Variants in DDAH1 observed in about 807,000 individuals in gnomAD.
DDAH1 encodes the protein N(G),N(G)-dimethylarginine dimethylaminohydrolase 1.
DDAH1 carries 19 observed loss-of-function variants against 28.8 expected under a neutral mutation model. That is an observed-to-expected ratio of 0.66 (90% CI 0.46 to 0.97). The LOEUF (loss-of-function observed/expected upper bound fraction) is 0.97. Ranked by LOEUF, DDAH1 falls within the 50% of genes least tolerant of loss-of-function variation. The pLI, the probability that DDAH1 is intolerant of heterozygous loss-of-function variation, is 0.00. For missense variants in DDAH1, 326 were observed against 375.9 expected (o/e 0.87, Z 1.10); for synonymous variants, 153 against 154.4 (o/e 0.99, Z 0.07).
intron 1 of DDAH1, among the ~76,000 whole-genome samples, chr1:85,417,505 G>A (rs994289044): frequency 6.6e-6 from 1 of 152,138 alleles, no homozygotes; most frequent in African/African-American, 2.4e-5. Context: ...CACTCTTACA[G>A]CTCAGTTGAC....
chr1:85,444,558 A>T (rs946597787), intron 1 of DDAH1, among the ~76,000 whole-genome samples: 5 of 152,190 alleles, frequency 3.3e-5, no homozygotes, highest in Admixed American at 2.6e-4. Flanking sequence ...TCCTGACCTC[A>T]AGTCCTGTGT....
intron 2 of DDAH1, among the ~76,000 whole-genome samples, chr1:85,490,035 TG>T (rs1195098734): frequency 1.3e-5 from 2 of 151,978 alleles, no homozygotes; most frequent in East Asian, 3.9e-4. Flanking sequence ...AGGCTTGTGG[TG>T]GATAAGTGGA....
intron 2 of DDAH1, among the ~76,000 whole-genome samples, chr1:85,472,854 C>T (rs1399443862): frequency 2.6e-5 from 4 of 152,150 alleles, no homozygotes; most frequent in African/African-American, 9.7e-5. Flanking sequence ...GCAAGTTTTT[C>T]AGCCCTTCCC....
At chr1:85,395,234 A>T (rs1262228695) in intron 1 of DDAH1, among the ~76,000 whole-genome samples, 1 of 152,242 alleles carries the variant, frequency 6.6e-6, no homozygotes, top group African/African-American at 2.4e-5. Context: ...GATACAAAAA[A>T]GTTGTAAGTC....
chr1:85,545,727 G>T (rs935568970), intron 1 of DDAH1, among the ~76,000 whole-genome samples: 1 of 152,016 alleles, frequency 6.6e-6, no homozygotes, highest in African/African-American at 2.4e-5. Context: ...AAATTAGTTC[G>T]TTCTAAAGGA....
At chr1:85,564,038 G>A (rs562858204) in intron 1 of DDAH1, among the ~76,000 whole-genome samples, 2 of 152,236 alleles carry the variant, frequency 1.3e-5, no homozygotes, top group African/African-American at 4.8e-5. Flanking sequence ...TGGGCATGGT[G>A]GTATGCACCT....
intron 1 of DDAH1, among the ~76,000 whole-genome samples, chr1:85,412,716 G>C (rs148196548): frequency 2.6e-5 from 4 of 152,246 alleles, no homozygotes; most frequent in East Asian, 3.9e-4. Flanking sequence ...AAAATATTTT[G>C]AGGGCCAGGC....
chr1:85,364,877 C>T (rs894448506), intron 1 of DDAH1, among the ~76,000 whole-genome samples: 1 of 152,176 alleles, frequency 6.6e-6, no homozygotes, highest in Middle Eastern at 3.4e-3. Context: ...GCCAAAACTA[C>T]CAACAAAAAG....
intron 1 of DDAH1, among the ~76,000 whole-genome samples, chr1:85,556,142 C>A (rs1245775590): frequency 6.7e-6 from 1 of 150,012 alleles, no homozygotes; most frequent in Non-Finnish European, 1.5e-5. Context: ...CTCCTTTCCC[C>A]TTCCTCCTTC....
At chr1:85,518,468 T>G (rs1657551169) in intron 1 of DDAH1, among the ~76,000 whole-genome samples, 1 of 152,200 alleles carries the variant, frequency 6.6e-6, no homozygotes. Context: ...GACTATTAGC[T>G]GAGGGCTGCC....
At chr1:85,504,287 C>A (rs974733640) in intron 1 of DDAH1, among the ~76,000 whole-genome samples, 1 of 152,138 alleles carries the variant, frequency 6.6e-6, no homozygotes, top group Non-Finnish European at 1.5e-5. Flanking sequence ...ATGGCAGGGT[C>A]ATTGGCCTCA....
At chr1:85,341,704 T>G (rs1335753202) in intron 4 of DDAH1, among the ~76,000 whole-genome samples, 1 of 152,004 alleles carries the variant, frequency 6.6e-6, no homozygotes, top group African/African-American at 2.4e-5. Context: ...TCCCAGCTAC[T>G]CGGGAGGCTG....
At chr1:85,322,255 A>G (rs111716524) in intron 5 of DDAH1, among the ~76,000 whole-genome samples, 1 of 152,106 alleles carries the variant, frequency 6.6e-6, no homozygotes, top group African/African-American at 2.4e-5. Context: ...CCTCTCAACT[A>G]TACTTTAGGT....
chr1:85,423,554 G>C (rs902506306), intron 1 of DDAH1, among the ~76,000 whole-genome samples: 1 of 151,336 alleles, frequency 6.6e-6, no homozygotes. Flanking sequence ...TGGTGCTACT[G>C]TAAATGTATT....
intron 4 of DDAH1, among the ~76,000 whole-genome samples, chr1:85,333,267 G>A (rs762415541): frequency 1.2e-4 from 18 of 152,218 alleles, no homozygotes; most frequent in Non-Finnish European, 1.3e-4. Context: ...CACCATATAT[G>A]CCCAGAATAA....
At chr1:85,337,557 A>G (rs372583705) in intron 4 of DDAH1, among the ~76,000 whole-genome samples, 134 of 151,624 alleles carry the variant, frequency 8.8e-4, no homozygotes, top group African/African-American at 3.1e-3. Context: ...GGGTTCAAGC[A>G]ATTCTCCTGC....
At chr1:85,490,385 A>C (rs1656350556) in intron 2 of DDAH1, among the ~76,000 whole-genome samples, 1 of 152,188 alleles carries the variant, frequency 6.6e-6, no homozygotes, top group Admixed American at 6.5e-5. Flanking sequence ...CCCAGTCACA[A>C]GCTCTCCGTA....
rs1257471595 is a variant in DDAH1, at chr1:85,464,436, G to A, written c.303+307C>T. 4.2e-6 allele frequency: 6 copies of A among 1,423,924 alleles called. No homozygotes were observed. In the African/African-American group the frequency reaches 7.1e-5, roughly 17 times the overall value. 88.2% of individuals were successfully genotyped at this position (1,423,924 alleles called of 1,614,324 possible). ...AAACACTCAGAGTTGCACTGTCGTC[G>A]CTGCCGTTTAATTTTCACAAATAAA... is the stretch of plus-strand genomic sequence containing the variant. On this transcript the variant is annotated intron_variant, in intron 1 of 5. Transcript: ENST00000284031. This position sits in a 1 kb window ranked among gnomAD's most constrained non-coding sequence, Gnocchi z 4.4.
In DDAH1 at chr1:85,434,367, A is replaced by G. The variant is rs569116722; in HGVS notation, c.303+30376T>C. 2.5e-4 allele frequency among the ~76,000 whole-genome samples: 38 copies of G among 151,982 alleles called. 1 individual carries two copies. In the South Asian group the frequency reaches 7.1e-3, roughly 28 times the overall value. On this transcript the variant is annotated intron_variant, in intron 1 of 5. Transcript: ENST00000284031. ...TGACATTTCTTTAATTTTTATGTCT[A>G]TTCTTACACTAGTACCACTTTAATT...
Sources: allele counts gnomAD v4.1 joint callset (sites outside exome capture counted in the v4.1 genomes callset), GRCh38; gene constraint gnomAD v4.1.1; non-coding constraint Gnocchi (gnomAD v3.1); transcripts MANE v1.5; gene names NCBI Gene and HGNC (gene_info 2026-07-23, HGNC 2026-07-21).